NEMP2: variants seen among roughly 807,000 people sequenced by gnomAD.
NEMP2 encodes the protein nuclear envelope integral membrane protein 2.
In NEMP2, 53 loss-of-function variants were observed where a neutral mutation model predicts 54.2. The ratio of observed to expected loss-of-function variants is 0.98; its 90% CI spans 0.78 to 1.23. The LOEUF is 1.23. Among genes scored for constraint, NEMP2 ranks in the 50% most tolerant of loss-of-function variants. The pLI, the probability that NEMP2 is intolerant of heterozygous loss-of-function variation, is 0.00. For missense variants in NEMP2, 455 were observed against 511.3 expected, an observed-to-expected ratio of 0.89 and a Z score of 1.06; for synonymous variants, 197 against 190.3, an observed-to-expected ratio of 1.04 and a Z score of -0.29.
At chr2:190,619,606 C>G in the NEMP2 span, among the ~76,000 whole-genome samples, 5 of 152,220 alleles carry the variant, frequency 3.3e-5, no homozygotes, top group East Asian at 9.7e-4. The surrounding 1 kb of genome is among the most constrained non-coding windows in gnomAD (Gnocchi z 5.5). Context: ...TTATGCTTTG[C>G]TCTTCCAGTT....
At chr2:190,584,963 G>GAAAGAAAGAAAGAA in the NEMP2 span, among the ~76,000 whole-genome samples, 3 of 141,956 alleles carry the variant, frequency 2.1e-5, no homozygotes, top group African/African-American at 8.4e-5. This position sits in a 1 kb window ranked among gnomAD's most constrained non-coding sequence, Gnocchi z 4.2. Flanking sequence ...AAGAAAGAAA[G>GAAAGAAAGAAAGAA]AGACATAATG....
the NEMP2 span, among the ~76,000 whole-genome samples, chr2:190,473,891 A>G: frequency 1.3e-5 from 2 of 152,360 alleles, no homozygotes; most frequent in South Asian, 2.1e-4. Flanking sequence ...CAATCAAACT[A>G]GAACTCAGGA....
the NEMP2 span, among the ~76,000 whole-genome samples, chr2:190,491,240 T>C: frequency 6.6e-6 from 1 of 152,186 alleles, no homozygotes; most frequent in African/African-American, 2.4e-5. The surrounding 1 kb of genome is among the most constrained non-coding windows in gnomAD (Gnocchi z 4.2). Flanking sequence ...GGAGAGACTG[T>C]TATTGGGAAA....
the NEMP2 span, among the ~76,000 whole-genome samples, chr2:190,594,162 T>C: frequency 6.6e-6 from 1 of 152,230 alleles, no homozygotes; most frequent in South Asian, 2.1e-4. This position sits in a 1 kb window ranked among gnomAD's most constrained non-coding sequence, Gnocchi z 5.6. Flanking sequence ...TCTTGGGTCT[T>C]TCCCTCTTGC....
the NEMP2 span, among the ~76,000 whole-genome samples, chr2:190,642,978 T>C: frequency 6.6e-6 from 1 of 150,410 alleles, no homozygotes; most frequent in Admixed American, 6.6e-5. This position sits in a 1 kb window ranked among gnomAD's most constrained non-coding sequence, Gnocchi z 4.1. Flanking sequence ...TTTTTTTTTT[T>C]CACTGAAAAC....
At chr2:190,555,722 G>A in the NEMP2 span, among the ~76,000 whole-genome samples, 1 of 152,118 alleles carries the variant, frequency 6.6e-6, no homozygotes, top group African/African-American at 2.4e-5. This position sits in a 1 kb window ranked among gnomAD's most constrained non-coding sequence, Gnocchi z 4.8. Flanking sequence ...CAGGGAGATT[G>A]GAACCAAGTT....
the NEMP2 span, among the ~76,000 whole-genome samples, chr2:190,552,115 CA>C: frequency 6.6e-6 from 1 of 152,194 alleles, no homozygotes; most frequent in Non-Finnish European, 1.5e-5. Flanking sequence ...GTGGGTTGGG[CA>C]AGACCTACCC....
Position 190,527,832 on chromosome 2 carries a change from G to C in NEMP2, c.98-2454C>G, listed in dbSNP as rs1299235296. 6.6e-6 allele frequency among the ~76,000 whole-genome samples: 1 copy of C among 152,004 alleles called. No homozygotes were observed. Among genetic ancestry groups the C allele is most frequent in the Non-Finnish European group, 1.5e-5 (1 of 67,996 alleles). On this transcript the variant is annotated intron_variant, in intron 1 of 8. Transcript: ENST00000409150. The surrounding 1 kb of genome is among the most constrained non-coding windows in gnomAD (Gnocchi z 4.0). ...CCTTACTGTGAACTGAGCAACCTAG[G>C]GATCTAGGTTGCATGCTTGTTATGA...
chr2:190,431,381 C>G, the NEMP2 span, among the ~76,000 whole-genome samples: 8 of 152,200 alleles, frequency 5.3e-5, no homozygotes, highest in African/African-American at 1.4e-4. This position sits in a 1 kb window ranked among gnomAD's most constrained non-coding sequence, Gnocchi z 4.4. Flanking sequence ...TGTAGCGAGC[C>G]GAGATCACCC....
At chr2:190,445,058 G>A in the NEMP2 span, 1 of 159,784 alleles carries the variant, frequency 6.3e-6, no homozygotes, top group Non-Finnish European at 1.3e-5. Context: ...TTGGTGTTAA[G>A]TGAGGCCCTT....
chr2:190,425,373 A>G, the NEMP2 span, among the ~76,000 whole-genome samples: 3 of 152,186 alleles, frequency 2.0e-5, no homozygotes, highest in Non-Finnish European at 2.9e-5. This position sits in a 1 kb window ranked among gnomAD's most constrained non-coding sequence, Gnocchi z 4.3. Flanking sequence ...ATTGTGTTGC[A>G]TAAGAATGAT....
the NEMP2 span, among the ~76,000 whole-genome samples, chr2:190,463,509 G>A: frequency 1.3e-5 from 2 of 152,174 alleles, no homozygotes; most frequent in Non-Finnish European, 1.5e-5. This position sits in a 1 kb window ranked among gnomAD's most constrained non-coding sequence, Gnocchi z 4.4. Context: ...TTAGGGACAA[G>A]TTTATATAGA....
At chr2:190,568,560 C>T in the NEMP2 span, among the ~76,000 whole-genome samples, 4 of 152,150 alleles carry the variant, frequency 2.6e-5, no homozygotes, top group South Asian at 2.1e-4. This position sits in a 1 kb window ranked among gnomAD's most constrained non-coding sequence, Gnocchi z 4.7. Flanking sequence ...CAGTGGCTTA[C>T]GCTTGTAATC....
At chr2:190,645,664 T>C in the NEMP2 span, among the ~76,000 whole-genome samples, 5 of 152,362 alleles carry the variant, frequency 3.3e-5, no homozygotes, top group East Asian at 9.6e-4. Context: ...CAGCAGTGAA[T>C]AAAAAATTCT....
In NEMP2 at chr2:190,525,336, G is replaced by T. The variant is rs764081214; in HGVS notation, c.140C>A (p.Thr47Lys). The T allele has an allele frequency of 1.9e-6, 3 of 1,549,830 alleles. No homozygotes were observed. The highest frequency in any genetic ancestry group is 1.4e-5 in the African/African-American group (1 of 72,972). The change falls in exon 2 of 9, where the codon ACG (threonine) becomes AAG (lysine). Residue 47 changes from threonine to lysine, a missense_variant. Transcript: ENST00000409150. This position sits in a 1 kb window ranked among gnomAD's most constrained non-coding sequence, Gnocchi z 5.0. The part of the protein sequence containing the change: ...KALKEKDLIR[T>K]SESDCYCYNQ... ...GTAGCAGTAACAGTCTGACTCAGAC[G>T]TTCTAATTAAATCTTTTTCCTTCAA...
the NEMP2 span, among the ~76,000 whole-genome samples, chr2:190,425,809 T>A: frequency 6.6e-6 from 1 of 152,084 alleles, no homozygotes; most frequent in African/African-American, 2.4e-5. This position sits in a 1 kb window ranked among gnomAD's most constrained non-coding sequence, Gnocchi z 4.3. Context: ...TAGTTTTCTG[T>A]TTTTTTGGAC....
the NEMP2 span, among the ~76,000 whole-genome samples, chr2:190,549,694 G>A: frequency 6.6e-6 from 1 of 151,912 alleles, no homozygotes; most frequent in East Asian, 1.9e-4. Flanking sequence ...GTTGGCTCCT[G>A]AGCCCTTTTG....
chr2:190,559,508 C>T, the NEMP2 span, among the ~76,000 whole-genome samples: 1 of 152,210 alleles, frequency 6.6e-6, no homozygotes, highest in African/African-American at 2.4e-5. This position sits in a 1 kb window ranked among gnomAD's most constrained non-coding sequence, Gnocchi z 4.0. Context: ...CTGAAGAACA[C>T]CTTCACTTCA....
chr2:190,572,852 T>TATAC, the NEMP2 span, among the ~76,000 whole-genome samples: 1 of 117,900 alleles, frequency 8.5e-6, no homozygotes, highest in Non-Finnish European at 1.8e-5. Flanking sequence ...TATATATATA[T>TATAC]ATATATATAT....
Sources: gnomAD v4.1 joint callset for allele counts (sites outside exome capture counted in the v4.1 genomes callset) on GRCh38, gnomAD v4.1.1 for gene constraint, Gnocchi (gnomAD v3.1) non-coding constraint, MANE v1.5 for transcripts, NCBI Gene and HGNC (gene_info 2026-07-23, HGNC 2026-07-21) for gene names.